Variants in GPR158 observed in about 807,000 individuals in gnomAD.
The protein encoded by GPR158 is metabotropic glycine receptor.
A neutral mutation model predicts 78.2 loss-of-function variants in GPR158; 30 were observed. The ratio of observed to expected loss-of-function variants is 0.38; its 90% confidence interval spans 0.29 to 0.52. GPR158 has a LOEUF of 0.52. GPR158 is among the 20% of genes least tolerant of loss of function. The probability of loss-of-function intolerance (pLI) is 0.83; values close to 1 mark genes in which losing one functional copy is unlikely to be tolerated. For missense variants in GPR158, 1,463 were observed against 1,523.5 expected (o/e 0.96, Z 0.66); for synonymous variants, 581 against 591.1 (o/e 0.98, Z 0.25).
intron 6 of GPR158, among the ~76,000 whole-genome samples, chr10:25,569,731 A>C (rs1200284559): frequency 6.6e-6 from 1 of 152,084 alleles, no homozygotes; most frequent in South Asian, 2.1e-4. Flanking sequence ...ATATCCCCCA[A>C]AGCCCAGATC....
At chr10:25,470,565 A>G (rs1458743116) in intron 5 of GPR158, among the ~76,000 whole-genome samples, 1 of 152,146 alleles carries the variant, frequency 6.6e-6, no homozygotes, top group Non-Finnish European at 1.5e-5. Flanking sequence ...ATCAGTATTA[A>G]TTTTTTCATA....
At chr10:25,541,831 A>T (rs934910402) in intron 5 of GPR158, among the ~76,000 whole-genome samples, 7 of 151,436 alleles carry the variant, frequency 4.6e-5, no homozygotes, top group Non-Finnish European at 8.8e-5. Flanking sequence ...AATTCTTCCC[A>T]TGTTGTTAGG....
intron 4 of GPR158, among the ~76,000 whole-genome samples, chr10:25,440,221 T>A (rs1835050206): frequency 6.6e-6 from 1 of 152,198 alleles, no homozygotes; most frequent in South Asian, 2.1e-4. Context: ...AGAAAAGGAA[T>A]GGAATGAATA....
rs1445650014 is a variant in GPR158 at position 25,557,147 on chromosome 10, C to T, written c.1514+6062C>T. On this transcript the variant is annotated intron_variant, in intron 6 of 10. Transcript: ENST00000376351. ...CAAAGACCCATGCTGGTGCCCAGACCGTTTTGTGTGCTATCTCTACTCTAG... is the reference window on the plus strand; with the variant it reads ...CAAAGACCCATGCTGGTGCCCAGACTGTTTTGTGTGCTATCTCTACTCTAG... Among the ~76,000 whole-genome samples, 5 of 152,114 alleles carry T rather than the reference C, an allele frequency of 3.3e-5. No individual in the cohort carries two copies. In the East Asian group the frequency reaches 7.7e-4, roughly 23 times the overall value.
intron 6 of GPR158, among the ~76,000 whole-genome samples, chr10:25,557,593 TA>T (rs1836802216): frequency 6.6e-6 from 1 of 152,112 alleles, no homozygotes; most frequent in African/African-American, 2.4e-5. Flanking sequence ...GGCCCCCAGC[TA>T]AATGGCCTAA....
chr10:25,326,651 C>G (rs1855038167), intron 2 of GPR158, among the ~76,000 whole-genome samples: 1 of 152,078 alleles, frequency 6.6e-6, no homozygotes, highest in African/African-American at 2.4e-5. Context: ...TTCAGTTAGA[C>G]AGGATAAATA....
chr10:25,524,297 A>AT (rs1269302769), intron 5 of GPR158, among the ~76,000 whole-genome samples: 130 of 152,304 alleles, frequency 8.5e-4, no homozygotes, highest in Non-Finnish European at 3.7e-4. Flanking sequence ...TCGTTCTAAA[A>AT]TGTATATGGA....
At chr10:25,259,138 G>A (rs1445021701) in intron 2 of GPR158, among the ~76,000 whole-genome samples, 4 of 152,152 alleles carry the variant, frequency 2.6e-5, no homozygotes, top group South Asian at 2.1e-4. Flanking sequence ...AGTTGCAGAG[G>A]CAGAGGAAAA....
At chr10:25,358,837 A>C (rs780647580) in intron 2 of GPR158, among the ~76,000 whole-genome samples, 4 of 152,114 alleles carry the variant, frequency 2.6e-5, no homozygotes, top group African/African-American at 9.6e-5. Flanking sequence ...TACTTACATA[A>C]CTTTAATTCT....
intron 2 of GPR158, among the ~76,000 whole-genome samples, chr10:25,371,176 T>A (rs1430759936): frequency 6.7e-6 from 1 of 149,724 alleles, no homozygotes; most frequent in Non-Finnish European, 1.5e-5. Context: ...ACATTTAAAG[T>A]TAATATTGTT....
intron 2 of GPR158, among the ~76,000 whole-genome samples, chr10:25,303,708 A>C (rs1023183564): frequency 2.0e-5 from 3 of 152,238 alleles, no homozygotes; most frequent in Admixed American, 2.0e-4. Flanking sequence ...AAAGCTTCTG[A>C]GAAATCCTGG....
intron 5 of GPR158, among the ~76,000 whole-genome samples, chr10:25,546,797 G>C (rs1317598176): frequency 5.3e-5 from 8 of 152,136 alleles, no homozygotes; most frequent in African/African-American, 1.9e-4. Flanking sequence ...GTTCTTTCTA[G>C]AGGAAGGGAT....
intron 2 of GPR158, among the ~76,000 whole-genome samples, chr10:25,368,264 T>A (rs973761184): frequency 6.6e-6 from 1 of 151,122 alleles, no homozygotes; most frequent in Non-Finnish European, 1.5e-5. Context: ...CTACTTCTGA[T>A]GTATCCCCAG....
At chr10:25,474,472 T>G (rs1835553422) in intron 5 of GPR158, among the ~76,000 whole-genome samples, 1 of 152,102 alleles carries the variant, frequency 6.6e-6, no homozygotes, top group Non-Finnish European at 1.5e-5. Context: ...TCTTCTAGAT[T>G]TCTAGATAAG....
At chr10:25,289,050 G>A (rs1236947523) in intron 2 of GPR158, among the ~76,000 whole-genome samples, 1 of 152,166 alleles carries the variant, frequency 6.6e-6, no homozygotes, top group Admixed American at 6.5e-5. Context: ...ATCATGTTTT[G>A]TGACTTACAA....
chr10:25,490,272 A>C (rs1241084349), intron 5 of GPR158, among the ~76,000 whole-genome samples: 1 of 151,568 alleles, frequency 6.6e-6, no homozygotes. Flanking sequence ...TTAAAGATAC[A>C]TACACTTTTT....
chr10:25,348,081 C>T (rs1385466324), intron 2 of GPR158, among the ~76,000 whole-genome samples: 1 of 151,856 alleles, frequency 6.6e-6, no homozygotes, highest in Admixed American at 6.6e-5. Context: ...GGGATCTGGG[C>T]CTGTGTCTAC....
At chr10:25,209,305 C>A (rs1315961974) in intron 1 of GPR158, among the ~76,000 whole-genome samples, 1 of 152,232 alleles carries the variant, frequency 6.6e-6, no homozygotes, top group Non-Finnish European at 1.5e-5. Flanking sequence ...TTTAAATGAT[C>A]TGTGTCTGCT....
chr10:25,182,379 CTACT>C (rs1244729169), intron 1 of GPR158, among the ~76,000 whole-genome samples: 2 of 152,240 alleles, frequency 1.3e-5, no homozygotes, highest in East Asian at 3.9e-4. Context: ...TGGAAGCTCC[CTACT>C]TACTTTTTAA....
Sources: gnomAD v4.1 joint callset for allele counts (sites outside exome capture counted in the v4.1 genomes callset) on GRCh38, gnomAD v4.1.1 for gene constraint, MANE v1.5 for transcripts, NCBI Gene and HGNC (gene_info 2026-07-23, HGNC 2026-07-21) for gene names.